The following RGS6 variants were observed in gnomAD, a reference collection of about 807,000 sequenced individuals.
The protein encoded by RGS6 is regulator of G-protein signaling 6.
A neutral mutation model predicts 78.5 loss-of-function variants in RGS6; 30 were observed. The observed-to-expected ratio is 0.38, with a 90% CI of 0.29 to 0.52. The LOEUF (loss-of-function observed/expected upper bound fraction) is 0.52. Among genes scored for constraint, RGS6 ranks in the 20% least tolerant of loss-of-function variants. The pLI is 0.85. For synonymous variants in RGS6, 206 were observed against 206.0 expected, an observed-to-expected ratio of 1.00 and a Z score of 0.00; for missense variants, 495 against 609.7, an observed-to-expected ratio of 0.81 and a Z score of 1.98.
chr14:72,430,993 A>G (rs965705873), intron 3 of RGS6, among the ~76,000 whole-genome samples: 1 of 152,134 alleles, frequency 6.6e-6, no homozygotes, highest in Non-Finnish European at 1.5e-5. Context: ...TTTCCATCCA[A>G]CTGAAGGGGT....
intron 15 of RGS6, among the ~76,000 whole-genome samples, chr14:72,523,162 G>T (rs58361653): frequency 0.022 from 3,374 of 152,284 alleles, 52 homozygotes; most frequent in East Asian, 0.063. Flanking sequence ...CTTGCACTCA[G>T]ATGTCCTCGC....
At chr14:72,593,075 A>G in the RGS6 span, among the ~76,000 whole-genome samples, 1 of 152,156 alleles carries the variant, frequency 6.6e-6, no homozygotes, top group Non-Finnish European at 1.5e-5. Context: ...AGTTGTGGGC[A>G]TGCTGGAGGA....
In RGS6 at chr14:72,560,918, C is replaced by G. The variant is rs148264537; in HGVS notation, c.1423-1499C>G. Among the ~76,000 whole-genome samples, 15 of 151,524 alleles carry G rather than the reference C, an allele frequency of 9.9e-5. No individual in the cohort carries two copies. In the East Asian group the frequency reaches 2.9e-3, roughly 29 times the overall value. Reference sequence around the variant, plus strand: ...TGAAAGCAATGGGGAGGAAAAAGGTCAAGGAGAGGTAGGGAAAGGCAGACT... The same window carrying G: ...TGAAAGCAATGGGGAGGAAAAAGGTGAAGGAGAGGTAGGGAAAGGCAGACT... On this transcript the variant is annotated intron_variant, in intron 17 of 17. Coordinates refer to ENST00000553525, the MANE Select transcript of RGS6 (RefSeq NM_001204424.2).
chr14:72,249,456 A>G (rs1437148653), intron 2 of RGS6, among the ~76,000 whole-genome samples: 1 of 152,214 alleles, frequency 6.6e-6, no homozygotes, highest in Non-Finnish European at 1.5e-5. Context: ...CTTCTTCTGT[A>G]TGTGCAGTTT....
chr14:71,903,271 T>TCAAGGACCTAA, the RGS6 span, among the ~76,000 whole-genome samples: 1 of 152,232 alleles, frequency 6.6e-6, no homozygotes, highest in Non-Finnish European at 1.5e-5. Context: ...CCTAACCGGT[T>TCAAGGACCTAA]GAGGTCCTTG....
intron 3 of RGS6, among the ~76,000 whole-genome samples, chr14:72,417,480 C>CT (rs961576501): frequency 1.1e-4 from 17 of 151,774 alleles, no homozygotes; most frequent in East Asian, 5.8e-4. Flanking sequence ...TTTGGGCCGT[C>CT]TTTTTTTTTC....
At chr14:72,415,495 G>A (rs1340166728) in intron 3 of RGS6, among the ~76,000 whole-genome samples, 1 of 152,260 alleles carries the variant, frequency 6.6e-6, no homozygotes, top group Non-Finnish European at 1.5e-5. Flanking sequence ...CCTGGATGAG[G>A]CGATGCCTCG....
At chr14:72,272,648 G>A (rs2153926705) in intron 2 of RGS6, among the ~76,000 whole-genome samples, 1 of 152,120 alleles carries the variant, frequency 6.6e-6, no homozygotes, top group South Asian at 2.1e-4. Context: ...TTTCTCTCTT[G>A]GGCCCAGCCC....
At chr14:72,537,772 G>A (rs546001187) in intron 16 of RGS6, 5 of 566,462 alleles carry the variant, frequency 8.8e-6, no homozygotes, top group Non-Finnish European at 1.6e-5. Flanking sequence ...TCACAGTTTG[G>A]TGACTTTCTA....
At chr14:72,356,734 A>G (rs2080373385) in intron 3 of RGS6, among the ~76,000 whole-genome samples, 1 of 152,214 alleles carries the variant, frequency 6.6e-6, no homozygotes, top group Admixed American at 6.5e-5. Flanking sequence ...TGATGATTTC[A>G]TAAGGGGCTT....
At chr14:72,157,547 C>T (rs968655815) in intron 2 of RGS6, among the ~76,000 whole-genome samples, 5 of 152,242 alleles carry the variant, frequency 3.3e-5, no homozygotes, top group South Asian at 2.1e-4. Context: ...ATTCTGTGGG[C>T]GTGTACTGCT....
At chr14:72,424,593 A>G (rs1274955749) in intron 3 of RGS6, among the ~76,000 whole-genome samples, 1 of 152,214 alleles carries the variant, frequency 6.6e-6, no homozygotes, top group African/African-American at 2.4e-5. Context: ...TCATATCTGT[A>G]TTAACTTCCT....
intron 2 of RGS6, among the ~76,000 whole-genome samples, chr14:72,174,428 C>T (rs1437725842): frequency 6.6e-6 from 1 of 152,192 alleles, no homozygotes; most frequent in Non-Finnish European, 1.5e-5. Flanking sequence ...AAAGGCAGCT[C>T]TTGGGAGGTG....
At chr14:72,312,079 G>A (rs940930666) in intron 2 of RGS6, among the ~76,000 whole-genome samples, 3 of 152,170 alleles carry the variant, frequency 2.0e-5, no homozygotes, top group Non-Finnish European at 2.9e-5. Context: ...GCTCTTGGGG[G>A]CAGCCTGAGG....
At chr14:72,067,359 G>C (rs2094201284) in intron 2 of RGS6, among the ~76,000 whole-genome samples, 1 of 152,150 alleles carries the variant, frequency 6.6e-6, no homozygotes, top group Non-Finnish European at 1.5e-5. Context: ...TATACCTAAT[G>C]CATGCGGGGC....
chr14:72,023,123 C>T (rs558670333), intron 2 of RGS6, among the ~76,000 whole-genome samples: 19 of 152,286 alleles, frequency 1.2e-4, no homozygotes, highest in South Asian at 6.2e-4. Flanking sequence ...TTGCCATTTC[C>T]ATGAATTTCC....
chr14:72,294,341 G>A (rs533542891), intron 2 of RGS6, among the ~76,000 whole-genome samples: 1 of 152,294 alleles, frequency 6.6e-6, no homozygotes, highest in East Asian at 1.9e-4. Flanking sequence ...GTAGGTGGTG[G>A]GAGCAATTCC....
intron 16 of RGS6, chr14:72,537,528 T>G: frequency 1.4e-6 from 1 of 702,350 alleles, no homozygotes; most frequent in East Asian, 2.7e-5. Flanking sequence ...GTGTGGCTAC[T>G]GTGATGGGCA....
At position 72,172,466 on chromosome 14, in the gene RGS6, TTA is replaced by T. The variant is rs1567375316; in HGVS notation, c.85-179625_85-179624del. Among the ~76,000 whole-genome samples the T allele has an allele frequency of 2.0e-5, 3 of 152,122 alleles. No individual in the cohort carries two copies. In the South Asian group the frequency reaches 6.2e-4, roughly 32 times the overall value. ...AGAAGTGGTACACACACACCCATAC[TTA>T]TATGCATATTTGTAAACATGTGTTA... On this transcript the variant is annotated intron_variant, in intron 2 of 17. Coordinates refer to ENST00000553525, the MANE Select transcript of RGS6 (RefSeq NM_001204424.2).
Sources: allele counts gnomAD v4.1 joint callset (sites outside exome capture counted in the v4.1 genomes callset), GRCh38; gene constraint gnomAD v4.1.1; transcripts MANE v1.5; gene names NCBI Gene and HGNC (gene_info 2026-07-23, HGNC 2026-07-21).